RAB3C: variants seen among roughly 807,000 people sequenced by gnomAD.
The protein encoded by RAB3C is ras-related protein Rab-3C.
A neutral mutation model predicts 26.4 loss-of-function variants in RAB3C; 17 were observed. That is an observed-to-expected ratio of 0.64 (90% CI 0.44 to 0.97). RAB3C has a LOEUF of 0.97. RAB3C is among the 50% of genes least tolerant of loss of function. RAB3C has a pLI of 0.00. For synonymous variants in RAB3C, 91 were observed against 95.9 expected (o/e 0.95, Z 0.30); for missense variants, 242 against 281.9 (o/e 0.86, Z 1.01).
intron 2 of RAB3C, among the ~76,000 whole-genome samples, chr5:58,635,737 A>T (rs1235851696): frequency 6.6e-6 from 1 of 152,142 alleles, no homozygotes; most frequent in Admixed American, 6.5e-5. Flanking sequence ...CTTTCCTGAC[A>T]CAGGAAGGAA....
chr5:58,789,375 C>T (rs1457150001), intron 3 of RAB3C, among the ~76,000 whole-genome samples: 4 of 152,054 alleles, frequency 2.6e-5, no homozygotes, highest in Admixed American at 6.5e-5. Flanking sequence ...GCCTATTATC[C>T]GCAGAATAAC....
At chr5:58,772,859 G>A (rs1742056368) in intron 3 of RAB3C, among the ~76,000 whole-genome samples, 1 of 151,910 alleles carries the variant, frequency 6.6e-6, no homozygotes. Context: ...GAGTGGAGAA[G>A]TAAAATCTTT....
intron 3 of RAB3C, among the ~76,000 whole-genome samples, chr5:58,763,652 C>A (rs1049192588): frequency 1.3e-5 from 2 of 152,180 alleles, no homozygotes; most frequent in African/African-American, 4.8e-5. Flanking sequence ...ACCACTCTTT[C>A]CACTCCCAGA....
Position 58,596,940 on chromosome 5 carries a change from TATA to T in RAB3C, c.24+13715_24+13717del, listed in dbSNP as rs919071096. Among the ~76,000 whole-genome samples, 11 of 94,810 alleles carry T rather than the reference TATA, an allele frequency of 1.2e-4. No individual in the cohort carries two copies. In the South Asian group the frequency reaches 2.1e-3, roughly 18 times the overall value. 62.2% of individuals were successfully genotyped at this position (94,810 alleles called of 152,430 possible). ...ATACATAATATATTATATATAAATA[TATA>T]ATAATATGATACATAATATATTACA... On this transcript the variant is annotated intron_variant, in intron 1 of 4. Coordinates refer to ENST00000282878, the MANE Select transcript of RAB3C (RefSeq NM_138453.4).
intron 3 of RAB3C, among the ~76,000 whole-genome samples, chr5:58,788,544 A>G (rs1040799291): frequency 1.3e-5 from 2 of 152,238 alleles, no homozygotes; most frequent in Non-Finnish European, 2.9e-5. Context: ...TTTCCTGTTC[A>G]TGAAAATGTT....
rs138898150 is a variant in RAB3C at position 58,599,834 on chromosome 5, G to A, written c.24+16602G>A. Among the ~76,000 whole-genome samples, 905 of 152,066 alleles carry A rather than the reference G, an allele frequency of 6.0e-3. 11 individuals are homozygous for A. Among genetic ancestry groups the A allele is most frequent in the African/African-American group, 0.021 (860 of 41,470 alleles). On this transcript the variant is annotated intron_variant, in intron 1 of 4. Transcript: ENST00000282878. ...CTCTGCTGACTGTTCCTTTTGATGTGCAAAAGCTCTTTAGTTTAATTAGGT... is the reference window on the plus strand; with the variant it reads ...CTCTGCTGACTGTTCCTTTTGATGTACAAAAGCTCTTTAGTTTAATTAGGT...
rs116326449 is a variant in RAB3C, at chr5:58,825,718, T to C, written c.496+556T>C. ...TTGTAGATAAGATCAAATGAGATAATAGATATGAGAAAGTTTCAGAAATGG... is the reference window on the plus strand; with the variant it reads ...TTGTAGATAAGATCAAATGAGATAACAGATATGAGAAAGTTTCAGAAATGG... On this transcript the variant is annotated intron_variant, in intron 4 of 4. Transcript: ENST00000282878. Among the ~76,000 whole-genome samples the C allele has an allele frequency of 5.8e-3, 883 of 152,192 alleles. 11 individuals are homozygous for C. The highest frequency in any genetic ancestry group is 0.018 in the African/African-American group (736 of 41,534).
intron 3 of RAB3C, chr5:58,822,919 T>C: frequency 1.6e-6 from 1 of 641,086 alleles, no homozygotes; most frequent in South Asian, 1.4e-5. Context: ...GCATTGATGG[T>C]CAGCCTGGTG....
intron 3 of RAB3C, among the ~76,000 whole-genome samples, chr5:58,805,874 G>T (rs1326546264): frequency 6.6e-6 from 1 of 151,862 alleles, no homozygotes; most frequent in Non-Finnish European, 1.5e-5. Context: ...GGGGTGTGGG[G>T]CAGGGAGTAT....
At chr5:58,738,326 T>C (rs1347492538) in intron 3 of RAB3C, among the ~76,000 whole-genome samples, 1 of 152,208 alleles carries the variant, frequency 6.6e-6, no homozygotes, top group Non-Finnish European at 1.5e-5. Context: ...ATGTCTTAGT[T>C]AAGCATTTTG....
intron 4 of RAB3C, among the ~76,000 whole-genome samples, chr5:58,845,594 C>CTATATATATATATATATATATATATATA (rs147626783): frequency 1.3e-5 from 1 of 74,612 alleles, no homozygotes; most frequent in African/African-American, 6.2e-5. Flanking sequence ...GTGATTCTTA[C>CTATATATATATATATATATATATATATA]TATATATATA....
chr5:58,776,138 G>C (rs1742136316), intron 3 of RAB3C, among the ~76,000 whole-genome samples: 1 of 151,998 alleles, frequency 6.6e-6, no homozygotes, highest in African/African-American at 2.4e-5. Context: ...GTCATTTCTA[G>C]TTTCCTGGAG....
At chr5:58,826,364 C>CA (rs1212008891) in intron 4 of RAB3C, among the ~76,000 whole-genome samples, 28 of 152,076 alleles carry the variant, frequency 1.8e-4, no homozygotes, top group African/African-American at 6.5e-4. Context: ...TTGAGATGAG[C>CA]ATAAGGTGAG....
intron 3 of RAB3C, among the ~76,000 whole-genome samples, chr5:58,736,301 A>G (rs1741133357): frequency 6.6e-6 from 1 of 152,164 alleles, no homozygotes; most frequent in Non-Finnish European, 1.5e-5. Context: ...GCACACCCCT[A>G]GGTGGAGATT....
intron 2 of RAB3C, among the ~76,000 whole-genome samples, chr5:58,644,070 C>T (rs1172747201): frequency 6.6e-6 from 1 of 152,170 alleles, no homozygotes; most frequent in Non-Finnish European, 1.5e-5. Context: ...ATCCACCTGC[C>T]TCAGCCTCCC....
At chr5:58,728,802 T>C (rs1349714388) in intron 3 of RAB3C, among the ~76,000 whole-genome samples, 1 of 151,998 alleles carries the variant, frequency 6.6e-6, no homozygotes, top group East Asian at 1.9e-4. Flanking sequence ...CTCACTAACA[T>C]AGTGGACAGT....
chr5:58,596,184 A>G (rs1579805612), intron 1 of RAB3C, among the ~76,000 whole-genome samples: 1 of 151,948 alleles, frequency 6.6e-6, no homozygotes, highest in East Asian at 1.9e-4. Context: ...AACTAGGACA[A>G]TTGGTAACCC....
At chr5:58,841,817 G>C (rs556929208) in intron 4 of RAB3C, among the ~76,000 whole-genome samples, 1 of 152,258 alleles carries the variant, frequency 6.6e-6, no homozygotes, top group African/African-American at 2.4e-5. Context: ...CAGCCCTATG[G>C]TGATTTCAAA....
intron 3 of RAB3C, among the ~76,000 whole-genome samples, chr5:58,782,033 A>C (rs140683273): frequency 1.5e-3 from 223 of 152,240 alleles, no homozygotes; most frequent in African/African-American, 5.2e-3. Flanking sequence ...ATATCTTATC[A>C]ACTGCTCCAG....
Sources: allele counts gnomAD v4.1 joint callset (sites outside exome capture counted in the v4.1 genomes callset), GRCh38; gene constraint gnomAD v4.1.1; transcripts MANE v1.5; gene names NCBI Gene and HGNC (gene_info 2026-07-23, HGNC 2026-07-21).